TMEM135: variants seen among roughly 807,000 people sequenced by gnomAD.
TMEM135 encodes the protein transmembrane protein 135.
TMEM135 carries 30 observed loss-of-function variants against 60.3 expected under a neutral mutation model. The observed-to-expected ratio is 0.50, with a 90% CI of 0.37 to 0.68. TMEM135 has a LOEUF of 0.68. Among genes scored for constraint, TMEM135 ranks in the 30% least tolerant of loss-of-function variants. The pLI, the probability that TMEM135 is intolerant of heterozygous loss-of-function variation, is 0.00. For missense variants in TMEM135, 468 were observed against 548.8 expected, an observed-to-expected ratio of 0.85 and a Z score of 1.47; for synonymous variants, 190 against 186.7, an observed-to-expected ratio of 1.02 and a Z score of -0.14.
chr11:87,106,606 A>G (rs751890552), intron 4 of TMEM135, among the ~76,000 whole-genome samples: 4 of 151,882 alleles, frequency 2.6e-5, no homozygotes, highest in Non-Finnish European at 5.9e-5. Flanking sequence ...TTCTATTTCA[A>G]TTTTTTGGAA....
At chr11:87,188,869 G>C (rs1482376982) in intron 5 of TMEM135, among the ~76,000 whole-genome samples, 1 of 151,980 alleles carries the variant, frequency 6.6e-6, no homozygotes. Flanking sequence ...ATCCTTGACT[G>C]TTTTGTATTC....
At chr11:87,133,881 C>T (rs1938010875) in intron 4 of TMEM135, among the ~76,000 whole-genome samples, 2 of 152,018 alleles carry the variant, frequency 1.3e-5, no homozygotes, top group African/African-American at 2.4e-5. Flanking sequence ...ATTTTTATTG[C>T]CGATAAGCAT....
intron 4 of TMEM135, among the ~76,000 whole-genome samples, chr11:87,141,138 T>C (rs998848587): frequency 5.3e-5 from 8 of 152,102 alleles, no homozygotes; most frequent in Non-Finnish European, 1.2e-4. Context: ...CAAAAATGCC[T>C]GTTAGGTTTT....
chr11:87,210,980 T>C (rs1304262518), intron 5 of TMEM135, among the ~76,000 whole-genome samples: 2 of 152,180 alleles, frequency 1.3e-5, no homozygotes, highest in African/African-American at 4.8e-5. Context: ...AAATTAGGCA[T>C]TGAAATAATA....
At chr11:87,142,044 C>T (rs1029731425) in intron 4 of TMEM135, among the ~76,000 whole-genome samples, 1 of 152,116 alleles carries the variant, frequency 6.6e-6, no homozygotes, top group Admixed American at 6.6e-5. Context: ...AGAGAGGGTC[C>T]TCCTCCCCAA....
chr11:87,159,517 G>C (rs1378393454), intron 5 of TMEM135, among the ~76,000 whole-genome samples: 1 of 151,828 alleles, frequency 6.6e-6, no homozygotes, highest in African/African-American at 2.4e-5. Flanking sequence ...CCACTAATTA[G>C]TTTTAATTTA....
chr11:87,210,354 T>C (rs1003513165), intron 5 of TMEM135, among the ~76,000 whole-genome samples: 3 of 152,008 alleles, frequency 2.0e-5, no homozygotes, highest in African/African-American at 7.2e-5. Context: ...TCCACAGAAA[T>C]AGAAAAAATA....
chr11:87,157,769 A>T (rs1339440535), intron 5 of TMEM135: 2 of 177,844 alleles, frequency 1.1e-5, no homozygotes, highest in African/African-American at 4.8e-5. Context: ...AAGATAAAAT[A>T]ATCGGAAATG....
At chr11:87,283,904 T>C (rs1429578763) in intron 6 of TMEM135, among the ~76,000 whole-genome samples, 1 of 152,186 alleles carries the variant, frequency 6.6e-6, no homozygotes, top group Middle Eastern at 3.2e-3. Flanking sequence ...GAAGATTCTG[T>C]TTAATTGAAA....
intron 5 of TMEM135, among the ~76,000 whole-genome samples, chr11:87,170,246 A>G (rs1939197001): frequency 6.6e-6 from 1 of 152,054 alleles, no homozygotes. Flanking sequence ...TCTTTACCTC[A>G]GAGGAGTTTG....
intron 3 of TMEM135, among the ~76,000 whole-genome samples, chr11:87,082,770 A>G (rs552525383): frequency 7.9e-5 from 12 of 152,206 alleles, no homozygotes; most frequent in Non-Finnish European, 1.3e-4. Context: ...TGTCAGCAAT[A>G]TACGAGAAAG....
intron 5 of TMEM135, among the ~76,000 whole-genome samples, chr11:87,162,493 T>C (rs1938907657): frequency 6.6e-6 from 1 of 152,158 alleles, no homozygotes; most frequent in Non-Finnish European, 1.5e-5. Context: ...GTTCCTGTGT[T>C]AGTTTGCTGA....
intron 4 of TMEM135, among the ~76,000 whole-genome samples, chr11:87,130,255 C>T (rs1431130159): frequency 6.6e-6 from 1 of 151,824 alleles, no homozygotes; most frequent in Non-Finnish European, 1.5e-5. Flanking sequence ...TTTTCCATCC[C>T]CTACTCTGCT....
At chr11:87,290,078 A>G (rs545582013) in intron 6 of TMEM135, among the ~76,000 whole-genome samples, 1 of 152,346 alleles carries the variant, frequency 6.6e-6, no homozygotes, top group East Asian at 1.9e-4. Flanking sequence ...GAAATATTTT[A>G]AAGATTTATA....
At chr11:87,104,107 T>A (rs1043409953) in intron 4 of TMEM135, among the ~76,000 whole-genome samples, 6 of 152,182 alleles carry the variant, frequency 3.9e-5, no homozygotes, top group Non-Finnish European at 7.3e-5. Flanking sequence ...TTAATTTTTA[T>A]ATAACATATA....
At chr11:87,123,704 T>A (rs1362904130) in intron 4 of TMEM135, among the ~76,000 whole-genome samples, 1 of 152,194 alleles carries the variant, frequency 6.6e-6, no homozygotes, top group African/African-American at 2.4e-5. Flanking sequence ...TTATTCCTGC[T>A]CTAGCCAGAG....
chr11:87,138,793 G>T (rs556887493), intron 4 of TMEM135, among the ~76,000 whole-genome samples: 1 of 152,316 alleles, frequency 6.6e-6, no homozygotes, highest in East Asian at 1.9e-4. Flanking sequence ...AAGTAAAGGT[G>T]AGATTGGCAA....
At chr11:87,195,371 TTCCTTCCTTCCTTCCTTCCTTC>T (rs1348808467) in intron 5 of TMEM135, among the ~76,000 whole-genome samples, 71 of 118,438 alleles carry the variant, frequency 6.0e-4, no homozygotes, top group Admixed American at 3.6e-3. Context: ...CCTTCCTTCC[TTCCTTCCTTCCTTCCTTCCTTC>T]TCTCTCTCTC....
In TMEM135 at chr11:87,272,984, T is replaced by C. The variant is rs1302703559; in HGVS notation, c.510-22798T>C. 3.3e-5 allele frequency among the ~76,000 whole-genome samples: 5 copies of C among 152,228 alleles called. 1 individual carries two copies. Among genetic ancestry groups the C allele is most frequent in the Admixed American group, 3.3e-4 (5 of 15,278 alleles). On this transcript the variant is annotated intron_variant, in intron 6 of 14. Transcript: ENST00000305494. ...CTATAGCCGATAAGCCTAGGTCTTC[T>C]CATTTTTGAAGCTGGACCATTCTGC...
Sources: allele counts gnomAD v4.1 joint callset (sites outside exome capture counted in the v4.1 genomes callset), GRCh38; gene constraint gnomAD v4.1.1; transcripts MANE v1.5; gene names NCBI Gene and HGNC (gene_info 2026-07-23, HGNC 2026-07-21).